The following OTOF variants were observed in gnomAD, a reference collection of about 807,000 sequenced individuals.
OTOF encodes otoferlin, also known as fer-1-like family member 2.
A neutral mutation model predicts 236.8 loss-of-function variants in OTOF; 218 were observed. That is an observed-to-expected ratio of 0.92 (90% CI 0.82 to 1.03). The LOEUF is 1.03. OTOF is among the 50% of genes least tolerant of loss of function. The pLI is 0.00. For missense variants in OTOF, 2,590 were observed against 2,694.4 expected (o/e 0.96, Z 0.86); for synonymous variants, 1,041 against 1,072.5 (o/e 0.97, Z 0.57).
At chr2:26,497,706 A>G (rs924921793) in intron 8 of OTOF, among the ~76,000 whole-genome samples, 1 of 152,236 alleles carries the variant, frequency 6.6e-6, no homozygotes, top group African/African-American at 2.4e-5. Flanking sequence ...CTAGGAAGCA[A>G]ACATTTCCGT....
rs1467064287 is a variant in OTOF at position 26,480,964 on chromosome 2, G to A, written c.1625C>T (p.Ser542Phe). ...LGPAWVNMYGSTRNYTLLDEH... is the reference protein window; with the variant it reads ...LGPAWVNMYGFTRNYTLLDEH... ...ATCCAGCAGCGTGTAGTTACGTGTG[G>A]AGCCGTACATGTTCACCCAGGCTGG... Residue 542 changes from serine (S) to phenylalanine (F), a missense_variant, in exon 15 of 47, where the codon TCC becomes TTC. By Grantham distance (155) the Ser-to-Phe change is radical. Transcript: ENST00000272371. The A allele has an allele frequency of 6.2e-7, 1 of 1,612,832 alleles. No individual in the cohort carries two copies. Among genetic ancestry groups the A allele is most frequent in the South Asian group, 1.1e-5 (1 of 91,062 alleles).
intron 12 of OTOF, 127 bp downstream of exon 12, chr2:26,484,347 G>T: frequency 2.0e-6 from 2 of 983,694 alleles, no homozygotes; most frequent in Non-Finnish European, 3.2e-6. Context: ...GGGGCTGCTT[G>T]GGAGAGTGAG....
At chr2:26,558,413 T>C in intron 1 of OTOF, 80 bp downstream of exon 1, 1 of 1,276,910 alleles carries the variant, frequency 7.8e-7, no homozygotes, top group South Asian at 1.2e-5. Flanking sequence ...CCCAGCCCTG[T>C]CCTATCCCCG....
At chr2:26,485,770 T>C (rs1453326219) in intron 11 of OTOF, among the ~76,000 whole-genome samples, 1 of 152,210 alleles carries the variant, frequency 6.6e-6, no homozygotes, top group Non-Finnish European at 1.5e-5. Flanking sequence ...AGGGGCTGTG[T>C]ACAGAGGTTG....
intron 2 of OTOF, among the ~76,000 whole-genome samples, chr2:26,537,373 A>C (rs1377142822): frequency 6.6e-6 from 1 of 152,136 alleles, no homozygotes; most frequent in Non-Finnish European, 1.5e-5. Flanking sequence ...TTGGGCCCTC[A>C]GCTGGTGGCT....
intron 2 of OTOF, among the ~76,000 whole-genome samples, chr2:26,532,554 G>A (rs1368944518): frequency 2.0e-5 from 3 of 152,194 alleles, no homozygotes; most frequent in African/African-American, 7.2e-5. Flanking sequence ...TCAGTCCTGG[G>A]GATGGTCCTG....
At chr2:26,459,810 T>C (rs1385058759) in intron 46 of OTOF, among the ~76,000 whole-genome samples, 198 bp downstream of exon 46, 1 of 152,210 alleles carries the variant, frequency 6.6e-6, no homozygotes, top group Non-Finnish European at 1.5e-5. Context: ...CATGTTTGTG[T>C]GGGCTTAAGT....
Position 26,477,155 on chromosome 2 carries a change from G to A in OTOF, c.2523+17C>T, listed in dbSNP as rs370384447. On this transcript the variant is annotated intron_variant, in intron 21 of 46. Coordinates refer to ENST00000272371, the MANE Select transcript of OTOF (RefSeq NM_194248.3). This position sits in a 1 kb window ranked among gnomAD's most constrained non-coding sequence, Gnocchi z 4.7. Reference sequence around the variant, plus strand: ...CCAGCCCTGGATGAGGCAAAGCCCCGACCCCTTGGGCCGCACCTCGTCCGC... The same window carrying A: ...CCAGCCCTGGATGAGGCAAAGCCCCAACCCCTTGGGCCGCACCTCGTCCGC... The A allele has an allele frequency of 1.0e-4, 168 of 1,604,244 alleles. No homozygotes were observed. Among genetic ancestry groups the A allele is most frequent in the Non-Finnish European group, 1.3e-4 (149 of 1,175,510 alleles).
intron 46 of OTOF, among the ~76,000 whole-genome samples, 173 bp from the exon 47 acceptor site, chr2:26,458,393 A>T (rs1017483242): frequency 2.0e-5 from 3 of 152,210 alleles, no homozygotes; most frequent in Non-Finnish European, 2.9e-5. Context: ...CTTGCTGCTT[A>T]CAAAACTCTA....
intron 30 of OTOF, among the ~76,000 whole-genome samples, chr2:26,471,449 C>T (rs1484454765): frequency 6.6e-6 from 1 of 152,164 alleles, no homozygotes; most frequent in African/African-American, 2.4e-5. Context: ...CCACACCCAA[C>T]CCCCAGATGG....
chr2:26,548,288 G>T (rs558314191), intron 1 of OTOF, among the ~76,000 whole-genome samples: 1 of 151,978 alleles, frequency 6.6e-6, no homozygotes, highest in Non-Finnish European at 1.5e-5. Context: ...CTGTCCTTGG[G>T]TTTAATTTGG....
rs1439378640 is a variant in OTOF at position 26,460,469 on chromosome 2, C to T, written c.5813+178G>A. On this transcript the variant is annotated intron_variant, in intron 45 of 46. Coordinates refer to ENST00000272371, the MANE Select transcript of OTOF (RefSeq NM_194248.3). This position sits in a 1 kb window ranked among gnomAD's most constrained non-coding sequence, Gnocchi z 5.3. The stretch of plus-strand genomic sequence containing the variant: ...GGTCCTGCTCTCCAGTATTCCTAGC[C>T]CATCCTCTGGTTCAAAGGGACGTTG... Among the ~76,000 whole-genome samples, 1 of 152,282 alleles carries T rather than the reference C, an allele frequency of 6.6e-6. No individual in the cohort carries two copies. The highest frequency in any genetic ancestry group is 1.9e-4 in the East Asian group (1 of 5,174).
chr2:26,477,619 T>TC lies in OTOF; in HGVS notation c.2315+29dup. On this transcript the variant is annotated intron_variant, in intron 19 of 46. Coordinates refer to ENST00000272371, the MANE Select transcript of OTOF (RefSeq NM_194248.3). This position sits in a 1 kb window ranked among gnomAD's most constrained non-coding sequence, Gnocchi z 4.7. ...CCCTTTGTCCAGTTCCGCCTCATCC[T>TC]CCCCCCACCTGCCGCCCCTCCCTTC... is the stretch of plus-strand genomic sequence containing the variant. 1 of 1,610,486 alleles carries TC rather than the reference T, an allele frequency of 6.2e-7. No homozygotes were observed. The highest frequency in any genetic ancestry group is 8.5e-7 in the Non-Finnish European group (1 of 1,179,006).
Position 26,537,725 on chromosome 2 carries a change from G to A in OTOF, c.129C>T (p.Asp43=), listed in dbSNP as rs116525289. 7.6e-3 allele frequency: 11,808 copies of A among 1,554,472 alleles called. 524 individuals carry two copies. In the East Asian group the frequency reaches 0.14, roughly 18 times the overall value. ...RVLENCEDVA[D]FDETFRWPVA... ...GTCTTGGGCCTCCTACCTCATCAAA[G>A]TCAGCCACATCCTCACAGTTCTCCA... Residue 43 remains aspartate (D), a synonymous_variant, in exon 2 of 47, where the codon GAC becomes GAT. Transcript: ENST00000272371.
chr2:26,526,766 T>C (rs1469814792), intron 3 of OTOF, among the ~76,000 whole-genome samples: 1 of 152,226 alleles, frequency 6.6e-6, no homozygotes, highest in African/African-American at 2.4e-5. Context: ...CCTCCCACTG[T>C]TGAGTCATTC....
chr2:26,544,686 T>C (rs566700590), intron 1 of OTOF, among the ~76,000 whole-genome samples: 1 of 152,260 alleles, frequency 6.6e-6, no homozygotes, highest in Admixed American at 6.5e-5. Flanking sequence ...TTTATTTCTC[T>C]TGAGGAAATT....
rs1426193970 is a variant in OTOF, at chr2:26,461,805, G to A, written c.5424C>T (p.Ile1808=). The A allele has an allele frequency of 6.2e-7, 1 of 1,614,202 alleles. No individual in the cohort carries two copies. The highest frequency in any genetic ancestry group is 1.1e-5 in the South Asian group (1 of 91,090). Reference sequence around the variant, plus strand: ...AGGAGAACATGGACTCCTTCTTGGAGATGACGATCTTCTCCTCCGCCGCCA... The same window carrying A: ...AGGAGAACATGGACTCCTTCTTGGAAATGACGATCTTCTCCTCCGCCGCCA... ...DYLAAEEKIV[I]SKKESMFSWD... is the part of the protein sequence containing the mutation. The change falls in exon 43 of 47, where the codon ATC becomes ATT. Residue 1808 remains isoleucine (I), a synonymous_variant. Transcript: ENST00000272371. This position sits in a 1 kb window ranked among gnomAD's most constrained non-coding sequence, Gnocchi z 6.2.
intron 32 of OTOF, among the ~76,000 whole-genome samples, chr2:26,469,805 A>C (rs1664894764): frequency 6.6e-6 from 1 of 152,182 alleles, no homozygotes; most frequent in South Asian, 2.1e-4. Flanking sequence ...AATAAATATC[A>C]CACCTAGCTT....
At chr2:26,465,867 G>T in intron 37 of OTOF, 25 bp from the exon 38 acceptor site, 1 of 1,614,220 alleles carries the variant, frequency 6.2e-7, no homozygotes, top group Non-Finnish European at 8.5e-7. Flanking sequence ...TTAGGAGAAG[G>T]GCTTAAGGAT....
Sources: allele counts gnomAD v4.1 joint callset (sites outside exome capture counted in the v4.1 genomes callset), GRCh38; gene constraint gnomAD v4.1.1; non-coding constraint Gnocchi (gnomAD v3.1); transcripts MANE v1.5; gene names NCBI Gene and HGNC (gene_info 2026-07-23, HGNC 2026-07-21).